FAM135B: variants seen among roughly 807,000 people sequenced by gnomAD.
FAM135B encodes protein FAM135B.
A neutral mutation model predicts 127.7 loss-of-function variants in FAM135B; 43 were observed. The ratio of observed to expected loss-of-function variants is 0.34; its 90% CI spans 0.26 to 0.43. FAM135B has a LOEUF of 0.43. FAM135B is among the 20% of genes least tolerant of loss of function. The pLI is 1.00. For synonymous variants in FAM135B, 670 were observed against 665.1 expected (o/e 1.01, Z -0.11); for missense variants, 1,558 against 1,725.6 (o/e 0.90, Z 1.72).
intron 2 of FAM135B, among the ~76,000 whole-genome samples, chr8:138,362,231 T>C (rs529733306): frequency 6.6e-6 from 1 of 151,994 alleles, no homozygotes; most frequent in East Asian, 1.9e-4. Flanking sequence ...CTAATTTCTT[T>C]TATACCCATT....
At chr8:138,391,875 G>A (rs1047044925) in intron 1 of FAM135B, among the ~76,000 whole-genome samples, 6 of 152,122 alleles carry the variant, frequency 3.9e-5, no homozygotes, top group African/African-American at 9.7e-5. Context: ...GTAACAAAGC[G>A]GAATTGGAAC....
intron 1 of FAM135B, among the ~76,000 whole-genome samples, chr8:138,372,261 A>C (rs1056380242): frequency 2.0e-5 from 3 of 152,202 alleles, no homozygotes; most frequent in Non-Finnish European, 4.4e-5. Context: ...CTGGAACCCT[A>C]GTTACTGCCT....
intron 1 of FAM135B, among the ~76,000 whole-genome samples, chr8:138,414,142 AC>A (rs1417186701): frequency 6.7e-6 from 1 of 149,018 alleles, no homozygotes; most frequent in Non-Finnish European, 1.5e-5. Flanking sequence ...ATATATATGC[AC>A]AAAAAATATA....
At chr8:138,135,565 T>C (rs2130520638) in intron 19 of FAM135B, among the ~76,000 whole-genome samples, 1 of 152,304 alleles carries the variant, frequency 6.6e-6, no homozygotes, top group Admixed American at 6.5e-5. Flanking sequence ...GGCACGAATA[T>C]ACTCTAACAG....
chr8:138,143,742 G>C, intron 15 of FAM135B, among the ~76,000 whole-genome samples: 1 of 152,196 alleles, frequency 6.6e-6, no homozygotes, highest in East Asian at 1.9e-4. Context: ...TAGAGTCAAA[G>C]AGAAATAGAT....
chr8:138,343,051 C>T (rs961740221), intron 2 of FAM135B, among the ~76,000 whole-genome samples: 24 of 152,204 alleles, frequency 1.6e-4, no homozygotes, highest in Admixed American at 3.9e-4. Context: ...TCTTAAAATA[C>T]GCATTCATTT....
In FAM135B at chr8:138,325,345, T is replaced by C. The variant is rs142139035; in HGVS notation, c.78-14425A>G. On this transcript the variant is annotated intron_variant, in intron 2 of 19. Transcript: ENST00000395297. ...AAATTGGCCTTGGTGGGAGTATTTA[T>C]AGCATGCAAATGGACAAACATCATA... Among the ~76,000 whole-genome samples the C allele has an allele frequency of 1.8e-3, 270 of 152,284 alleles. 1 individual carries two copies. Among genetic ancestry groups the C allele is most frequent in the African/African-American group, 5.7e-3 (237 of 41,566 alleles).
At chr8:138,318,789 A>G (rs1479657792) in intron 2 of FAM135B, among the ~76,000 whole-genome samples, 4 of 152,202 alleles carry the variant, frequency 2.6e-5, no homozygotes, top group Non-Finnish European at 4.4e-5. Flanking sequence ...TGAACTTCAG[A>G]TACTTTATAG....
chr8:138,294,744 G>A (rs1825355309), intron 3 of FAM135B, among the ~76,000 whole-genome samples: 1 of 152,158 alleles, frequency 6.6e-6, no homozygotes, highest in African/African-American at 2.4e-5. Flanking sequence ...CAAAGAAACA[G>A]AAGTTCTTTC....
rs561489856 is a variant in FAM135B, at chr8:138,396,981, T to A, written c.-19-28979A>T. Among the ~76,000 whole-genome samples, 3 of 152,232 alleles carry A rather than the reference T, an allele frequency of 2.0e-5. No homozygotes were observed. In the South Asian group the frequency reaches 6.2e-4, roughly 32 times the overall value. ...GAAGCAAACTAAAAAATGTATAAAA[T>A]CAGGGTTCCTTGACTAATTTGTCCA... On this transcript the variant is annotated intron_variant, in intron 1 of 19. Coordinates refer to ENST00000395297, the MANE Select transcript of FAM135B (RefSeq NM_015912.4).
At chr8:138,346,510 C>A (rs1187637077) in intron 2 of FAM135B, among the ~76,000 whole-genome samples, 2 of 152,222 alleles carry the variant, frequency 1.3e-5, no homozygotes, top group Non-Finnish European at 2.9e-5. Flanking sequence ...AGATCATGTC[C>A]TTTGCAGGGA....
rs1006284233 is a variant in FAM135B, at chr8:138,164,377, T to C, written c.1258+3518A>G. Among the ~76,000 whole-genome samples the C allele has an allele frequency of 2.0e-5, 3 of 152,190 alleles. No individual in the cohort carries two copies. In the South Asian group the frequency reaches 6.2e-4, roughly 32 times the overall value. On this transcript the variant is annotated intron_variant, in intron 12 of 19. Transcript: ENST00000395297. ...TCCAGGAAGATGAGTGCACCTGCAC[T>C]GTGCCGGAGTCCCAGCCTCAAGCTC...
intron 2 of FAM135B, among the ~76,000 whole-genome samples, chr8:138,356,708 G>A (rs937119666): frequency 4.6e-5 from 7 of 152,238 alleles, no homozygotes; most frequent in Middle Eastern, 3.4e-3. Flanking sequence ...GGTGTCTTCC[G>A]TTTTTCCAAA....
chr8:138,346,664 G>C (rs1442973795), intron 2 of FAM135B, among the ~76,000 whole-genome samples: 1 of 152,082 alleles, frequency 6.6e-6, no homozygotes, highest in Non-Finnish European at 1.5e-5. Flanking sequence ...GGGCCTGTCG[G>C]GGGGTCAGAG....
At chr8:138,302,448 C>A (rs1297926982) in intron 3 of FAM135B, among the ~76,000 whole-genome samples, 1 of 152,138 alleles carries the variant, frequency 6.6e-6, no homozygotes, top group Non-Finnish European at 1.5e-5. Flanking sequence ...AATGCCACTG[C>A]CTGAGCAAGA....
chr8:138,137,703 T>C (rs1023465361), intron 18 of FAM135B, among the ~76,000 whole-genome samples: 5 of 152,156 alleles, frequency 3.3e-5, no homozygotes, highest in Non-Finnish European at 7.4e-5. Flanking sequence ...CCTCTCCTAA[T>C]TCCAGCCTTC....
intron 3 of FAM135B, among the ~76,000 whole-genome samples, chr8:138,301,333 G>C (rs958787156): frequency 1.3e-5 from 2 of 152,120 alleles, no homozygotes; most frequent in Non-Finnish European, 2.9e-5. Context: ...CGGTCGTCTT[G>C]CCTCTTTTGG....
chr8:138,332,479 T>C (rs1488514155), intron 2 of FAM135B, among the ~76,000 whole-genome samples: 1 of 152,054 alleles, frequency 6.6e-6, no homozygotes, highest in East Asian at 1.9e-4. Context: ...GAACCTGAAA[T>C]TCAAGGTAAA....
intron 7 of FAM135B, among the ~76,000 whole-genome samples, chr8:138,205,521 C>A (rs963937561): frequency 6.6e-5 from 10 of 152,156 alleles, no homozygotes; most frequent in Non-Finnish European, 1.2e-4. Context: ...CTTGTGCCAG[C>A]TGTAGCTTTG....
Sources: gnomAD v4.1 joint callset for allele counts (sites outside exome capture counted in the v4.1 genomes callset) on GRCh38, gnomAD v4.1.1 for gene constraint, MANE v1.5 for transcripts, NCBI Gene and HGNC (gene_info 2026-07-23, HGNC 2026-07-21) for gene names.